TMTC1: variants seen among roughly 807,000 people sequenced by gnomAD.
The protein encoded by TMTC1 is transmembrane O-mannosyltransferase targeting cadherins 1, also known as protein O-mannosyl-transferase TMTC1.
A neutral mutation model predicts 104.8 loss-of-function variants in TMTC1; 73 were observed. That is an observed-to-expected ratio of 0.70 (90% CI 0.58 to 0.85). The LOEUF is 0.85. Among genes scored for constraint, TMTC1 ranks in the 40% least tolerant of loss-of-function variants. TMTC1 has a pLI of 0.00. For missense variants in TMTC1, 1,035 were observed against 1,096.1 expected (o/e 0.94, Z 0.79); for synonymous variants, 434 against 428.7 (o/e 1.01, Z -0.15).
intron 10 of TMTC1, among the ~76,000 whole-genome samples, chr12:29,548,682 C>T (rs978440333): frequency 2.0e-5 from 3 of 151,428 alleles, no homozygotes; most frequent in African/African-American, 7.3e-5. Flanking sequence ...ATTACCCAGT[C>T]TCAGGTATGT....
At chr12:29,509,930 C>G (rs1418262449) in intron 17 of TMTC1, among the ~76,000 whole-genome samples, 1 of 152,196 alleles carries the variant, frequency 6.6e-6, no homozygotes, top group African/African-American at 2.4e-5. Flanking sequence ...TTCCAGACTT[C>G]TTGGACACTT....
chr12:29,777,197 C>A (rs1360611661), intron 1 of TMTC1, among the ~76,000 whole-genome samples: 1 of 152,034 alleles, frequency 6.6e-6, no homozygotes, highest in Non-Finnish European at 1.5e-5. Flanking sequence ...CAGGTTCGAG[C>A]AATTCTCCTG....
At chr12:29,774,682 C>T (rs574518922) in intron 1 of TMTC1, among the ~76,000 whole-genome samples, 3 of 152,272 alleles carry the variant, frequency 2.0e-5, no homozygotes, top group Non-Finnish European at 4.4e-5. Flanking sequence ...ATCATTCAAC[C>T]AATAAATAAC....
At chr12:29,553,562 T>C (rs1315819589) in intron 10 of TMTC1, among the ~76,000 whole-genome samples, 1 of 152,052 alleles carries the variant, frequency 6.6e-6, no homozygotes, top group Non-Finnish European at 1.5e-5. Context: ...AAAGACTCAT[T>C]GTAAGGGCAT....
intron 9 of TMTC1, among the ~76,000 whole-genome samples, chr12:29,570,883 C>CA (rs1297054317): frequency 5.9e-5 from 2 of 33,850 alleles, no homozygotes; most frequent in African/African-American, 1.1e-4. Context: ...ACAGAAACAC[C>CA]CCCCCCCCCC....
chr12:29,626,539 G>T (rs1007446219), intron 6 of TMTC1, among the ~76,000 whole-genome samples: 1 of 152,118 alleles, frequency 6.6e-6, no homozygotes, highest in Non-Finnish European at 1.5e-5. Context: ...GGTGTTTAGG[G>T]AGAAAGAATA....
chr12:29,614,958 G>A (rs568166304), intron 6 of TMTC1, among the ~76,000 whole-genome samples: 17 of 152,300 alleles, frequency 1.1e-4, no homozygotes, highest in South Asian at 4.1e-4. Flanking sequence ...TTCACTGGCC[G>A]AAGTCACCCA....
intron 10 of TMTC1, among the ~76,000 whole-genome samples, chr12:29,536,673 G>C (rs148273156): frequency 1.2e-4 from 19 of 152,182 alleles, no homozygotes; most frequent in Non-Finnish European, 2.5e-4. Context: ...GGTGGCATGA[G>C]AGCCAATTTA....
intron 5 of TMTC1, among the ~76,000 whole-genome samples, chr12:29,681,865 G>A (rs993354027): frequency 6.6e-6 from 1 of 152,188 alleles, no homozygotes. Flanking sequence ...CCCATTTAAT[G>A]ATATTAGGAT....
chr12:29,630,049 A>C (rs1327736537), intron 6 of TMTC1, among the ~76,000 whole-genome samples: 1 of 152,172 alleles, frequency 6.6e-6, no homozygotes, highest in Non-Finnish European at 1.5e-5. Flanking sequence ...TCACTACCAC[A>C]ATCATATTTT....
At chr12:29,742,450 A>G (rs1295983418) in intron 5 of TMTC1, among the ~76,000 whole-genome samples, 1 of 152,284 alleles carries the variant, frequency 6.6e-6, no homozygotes, top group South Asian at 2.1e-4. Flanking sequence ...TGCATTTCCA[A>G]GCTTATATAT....
intron 10 of TMTC1, among the ~76,000 whole-genome samples, chr12:29,547,838 AG>A (rs1291146736): frequency 6.6e-6 from 1 of 152,242 alleles, no homozygotes; most frequent in East Asian, 1.9e-4. Flanking sequence ...GAAGGGTCGA[AG>A]AAGAGCAGAT....
intron 5 of TMTC1, among the ~76,000 whole-genome samples, chr12:29,651,194 A>G (rs1000432922): frequency 2.0e-5 from 3 of 152,190 alleles, no homozygotes; most frequent in African/African-American, 7.2e-5. Flanking sequence ...GAATGGTTGG[A>G]AATTTTTTTG....
chr12:29,511,226 CATGT>C (rs1335999098), intron 17 of TMTC1, among the ~76,000 whole-genome samples: 2 of 152,044 alleles, frequency 1.3e-5, no homozygotes, highest in African/African-American at 4.8e-5. Flanking sequence ...ATTAAACATT[CATGT>C]ATGTATGTTT....
At chr12:29,681,813 C>T (rs140323906) in intron 5 of TMTC1, among the ~76,000 whole-genome samples, 153 of 152,162 alleles carry the variant, frequency 1.0e-3, no homozygotes, top group African/African-American at 3.5e-3. Flanking sequence ...TCAGAATACA[C>T]AAGTGAAAAC....
intron 5 of TMTC1, among the ~76,000 whole-genome samples, chr12:29,723,110 T>C (rs944217795): frequency 2.6e-5 from 4 of 151,986 alleles, no homozygotes; most frequent in African/African-American, 7.2e-5. Context: ...TCTAAGAAGA[T>C]TTGAGCTTTA....
chr12:29,516,340 C>G lies in TMTC1; in HGVS notation c.2307+9G>C, dbSNP rs764212911. The G allele has an allele frequency of 6.2e-7, 1 of 1,611,022 alleles. No individual in the cohort carries two copies. The highest frequency in any genetic ancestry group is 1.1e-5 in the South Asian group (1 of 90,608). ...AATCCAAAGAACTCTAAACAATGTC[C>G]TTCTTTACCTTGTCGTGGTTCTCCT... is the stretch of plus-strand genomic sequence containing the variant. On this transcript the variant is annotated intron_variant, in intron 15 of 17. Coordinates refer to ENST00000539277, the MANE Select transcript of TMTC1 (RefSeq NM_001193451.2).
intron 2 of TMTC1, among the ~76,000 whole-genome samples, chr12:29,765,635 T>A (rs1164735307): frequency 1.3e-5 from 2 of 152,098 alleles, no homozygotes; most frequent in African/African-American, 4.8e-5. Flanking sequence ...ATACTTGATA[T>A]ATCATAAATA....
chr12:29,643,499 T>G (rs1938979016), intron 5 of TMTC1, among the ~76,000 whole-genome samples: 1 of 69,028 alleles, frequency 1.4e-5, no homozygotes, highest in African/African-American at 5.7e-5. Flanking sequence ...ATATTATATA[T>G]TATATATTTT....
Sources: allele counts gnomAD v4.1 joint callset (sites outside exome capture counted in the v4.1 genomes callset), GRCh38; gene constraint gnomAD v4.1.1; transcripts MANE v1.5; gene names NCBI Gene and HGNC (gene_info 2026-07-23, HGNC 2026-07-21).